Variants in GRM5 observed in about 807,000 individuals in gnomAD.
GRM5 encodes the protein glutamate metabotropic receptor 5, also known as metabotropic glutamate receptor 5.
In GRM5, 19 loss-of-function variants were observed where a neutral mutation model predicts 83.1. The observed-to-expected ratio is 0.23, with a 90% CI of 0.16 to 0.34. GRM5 has a LOEUF of 0.34. Ranked by LOEUF, GRM5 falls within the 10% of genes least tolerant of loss-of-function variation. The pLI is 1.00. For missense variants in GRM5, 1,160 were observed against 1,588.3 expected (o/e 0.73, Z 4.58); for synonymous variants, 675 against 633.6 (o/e 1.07, Z -0.98).
intron 3 of GRM5, among the ~76,000 whole-genome samples, chr11:88,695,578 C>G (rs1350664893): frequency 6.6e-6 from 1 of 152,178 alleles, no homozygotes; most frequent in Admixed American, 6.6e-5. Context: ...TCATATGAGT[C>G]TAACAAGATG....
At chr11:89,063,032 C>G (rs572675776) in intron 1 of GRM5, among the ~76,000 whole-genome samples, 1 of 152,382 alleles carries the variant, frequency 6.6e-6, no homozygotes, top group East Asian at 1.9e-4. Flanking sequence ...CAGCACCACC[C>G]GCTGTCCCCC....
intron 3 of GRM5, among the ~76,000 whole-genome samples, chr11:88,847,336 A>G (rs775783917): frequency 6.6e-6 from 1 of 152,206 alleles, no homozygotes; most frequent in African/African-American, 2.4e-5. Context: ...GCACTTTTAC[A>G]TATAGTAAAC....
At position 88,596,433 on chromosome 11, in the gene GRM5, C is replaced by G. The variant is rs370919735; in HGVS notation, c.1563+751G>C. Among the ~76,000 whole-genome samples, 97 of 152,226 alleles carry G rather than the reference C, an allele frequency of 6.4e-4. 1 individual carries two copies. In the South Asian group the frequency reaches 0.013, roughly 21 times the overall value. ...ACTCCAGTTTAATAAAAATTAAGTT[C>G]AATGTATTTAGTATGATGTTCAAAA... is the stretch of plus-strand genomic sequence containing the variant. On this transcript the variant is annotated intron_variant, in intron 6 of 9. Transcript: ENST00000305447.
intron 2 of GRM5, among the ~76,000 whole-genome samples, chr11:88,975,219 T>C: frequency 6.6e-6 from 1 of 152,200 alleles, no homozygotes; most frequent in East Asian, 1.9e-4. Context: ...AAGAGGACTA[T>C]GAATAAAATC....
intron 4 of GRM5, among the ~76,000 whole-genome samples, chr11:88,620,661 A>C (rs543158086): frequency 6.6e-6 from 1 of 152,316 alleles, no homozygotes; most frequent in African/African-American, 2.4e-5. Context: ...GGAAGAAAAC[A>C]AATAGTCTAT....
rs1403967408 is a variant in GRM5, at chr11:89,056,058, TTTAA to T, written c.-200-7990_-200-7987del. Among the ~76,000 whole-genome samples, 15 of 152,320 alleles carry T rather than the reference TTTAA, an allele frequency of 9.8e-5. No homozygotes were observed. The East Asian group carries it at 2.9e-3, about 29-fold the overall frequency. On this transcript the variant is annotated intron_variant, in intron 1 of 9. Coordinates refer to ENST00000305447, the MANE Select transcript of GRM5 (RefSeq NM_001143831.3). The stretch of plus-strand genomic sequence containing the variant: ...ATTCAATTATATGTGTGTACCAATA[TTTAA>T]TTATTCCTTATTGTTAGATATTAAG...
At chr11:88,836,797 TCAAAA>T (rs1006517084) in intron 3 of GRM5, among the ~76,000 whole-genome samples, 1 of 151,566 alleles carries the variant, frequency 6.6e-6, no homozygotes, top group African/African-American at 2.4e-5. Context: ...AGATTCTGTC[TCAAAA>T]CAAAAAACAA....
chr11:88,509,257 A>G lies in GRM5; in HGVS notation c.2974T>C (p.Ser992Pro). The G allele has an allele frequency of 6.7e-7, 1 of 1,485,426 alleles. No homozygotes were observed. The highest frequency in any genetic ancestry group is 1.3e-5 in the South Asian group (1 of 77,706). The allele number at this position is 1,485,426 out of a possible 1,614,324, so 92.0% of individuals were successfully genotyped here. A position where few individuals can be genotyped will look rare whatever the true frequency, so the allele number is the denominator to read the frequency against. ...CAGAGPGGPE[S>P]PDAGPKALYD... is the part of the protein sequence containing the mutation. ...AGCGCCTTGGGGCCGGCGTCTGGGG[A>G]CTCGGGCCCGCCTGGGCCGGCGCCT... Residue 992 changes from serine (S) to proline (P), a missense_variant, in exon 10 of 10, where the codon TCC (serine) becomes CCC (proline). Physicochemically the swap from Ser to Pro is moderately conservative, Grantham distance 74 (BLOSUM62 -1). Coordinates refer to ENST00000305447, the MANE Select transcript of GRM5 (RefSeq NM_001143831.3).
At chr11:88,873,702 T>C (rs1944805175) in intron 2 of GRM5, among the ~76,000 whole-genome samples, 1 of 151,528 alleles carries the variant, frequency 6.6e-6, no homozygotes, top group Non-Finnish European at 1.5e-5. Flanking sequence ...TCCTATGGGA[T>C]GTTGAAAAAG....
chr11:88,956,365 AT>A (rs1321191701), intron 2 of GRM5, among the ~76,000 whole-genome samples: 2 of 152,222 alleles, frequency 1.3e-5, no homozygotes, highest in Non-Finnish European at 2.9e-5. Flanking sequence ...TGTTGCAAGT[AT>A]TTTATTCACT....
intron 1 of GRM5, among the ~76,000 whole-genome samples, chr11:89,063,326 T>C (rs1192910726): frequency 6.6e-6 from 1 of 152,092 alleles, no homozygotes; most frequent in Admixed American, 6.5e-5. Context: ...TGTTCGCAAA[T>C]GGAACAGACT....
At chr11:88,717,728 G>A (rs1028619714) in intron 3 of GRM5, among the ~76,000 whole-genome samples, 1 of 151,726 alleles carries the variant, frequency 6.6e-6, no homozygotes, top group African/African-American at 2.4e-5. Context: ...ACATATCAAG[G>A]AAATGTATAT....
chr11:89,054,876 T>C (rs1941840711), intron 1 of GRM5, among the ~76,000 whole-genome samples: 2 of 152,210 alleles, frequency 1.3e-5, no homozygotes, highest in Admixed American at 1.3e-4. Context: ...GTTCTCTGGG[T>C]AGTAAAAATA....
intron 3 of GRM5, among the ~76,000 whole-genome samples, chr11:88,701,242 A>G (rs940664311): frequency 2.0e-5 from 3 of 152,138 alleles, no homozygotes; most frequent in Non-Finnish European, 4.4e-5. Context: ...AGTTTTTACC[A>G]TGACAGGGAA....
At chr11:88,623,162 T>G (rs968682731) in intron 4 of GRM5, among the ~76,000 whole-genome samples, 1 of 152,222 alleles carries the variant, frequency 6.6e-6, no homozygotes, top group Admixed American at 6.5e-5. Flanking sequence ...CTCAGCTTAC[T>G]GCAACCTCTG....
intron 8 of GRM5, among the ~76,000 whole-genome samples, chr11:88,539,385 T>G (rs1357740359): frequency 6.6e-6 from 1 of 152,212 alleles, no homozygotes; most frequent in African/African-American, 2.4e-5. Flanking sequence ...GTGTTTATGT[T>G]CATAGGGTTA....
chr11:88,671,067 T>C (rs1940180996), intron 3 of GRM5, among the ~76,000 whole-genome samples: 1 of 151,798 alleles, frequency 6.6e-6, no homozygotes, highest in Admixed American at 6.6e-5. Flanking sequence ...TTCACCTTAA[T>C]AAAAAACCAT....
intron 8 of GRM5, among the ~76,000 whole-genome samples, chr11:88,559,885 G>A (rs1942715061): frequency 6.6e-6 from 1 of 152,168 alleles, no homozygotes; most frequent in South Asian, 2.1e-4. Flanking sequence ...GTAGTGAGAA[G>A]CACATGGCTC....
At chr11:88,863,409 C>T (rs900772399) in intron 2 of GRM5, among the ~76,000 whole-genome samples, 1 of 151,968 alleles carries the variant, frequency 6.6e-6, no homozygotes, top group African/African-American at 2.4e-5. Flanking sequence ...GATACATATA[C>T]ACCATGGAAT....
Sources: allele counts gnomAD v4.1 joint callset (sites outside exome capture counted in the v4.1 genomes callset), GRCh38; gene constraint gnomAD v4.1.1; transcripts MANE v1.5; gene names NCBI Gene and HGNC (gene_info 2026-07-23, HGNC 2026-07-21).